PHF24: variants seen among roughly 807,000 people sequenced by gnomAD.
The protein encoded by PHF24 is Galpha inhibitory interacting protein.
A neutral mutation model predicts 42.6 loss-of-function variants in PHF24; 25 were observed. That is an observed-to-expected ratio of 0.59 (90% CI 0.43 to 0.82). The LOEUF is 0.82. Ranked by LOEUF, PHF24 falls within the 40% of genes least tolerant of loss-of-function variation. PHF24 has a pLI of 0.00. For synonymous variants in PHF24, 185 were observed against 204.8 expected (o/e 0.90, Z 0.83); for missense variants, 470 against 538.1 (o/e 0.87, Z 1.25).
At chr9:34,665,749 G>A in the PHF24 span, 18 of 692,758 alleles carry the variant, frequency 2.6e-5, no homozygotes, top group Admixed American at 1.4e-4. Flanking sequence ...TTCTCAGGAC[G>A]AGGCTGCCCA....
At chr9:34,703,538 T>C in the PHF24 span, among the ~76,000 whole-genome samples, 1 of 151,972 alleles carries the variant, frequency 6.6e-6, no homozygotes, top group African/African-American at 2.4e-5. Context: ...ATCACAGCCC[T>C]CTAAAAGGAT....
chr9:34,793,570 C>T, the PHF24 span, among the ~76,000 whole-genome samples: 4 of 152,112 alleles, frequency 2.6e-5, no homozygotes, highest in Non-Finnish European at 5.9e-5. Flanking sequence ...ACCACTGAAC[C>T]AGTGGTGATG....
the PHF24 span, among the ~76,000 whole-genome samples, chr9:34,666,338 A>C: frequency 6.6e-6 from 1 of 151,404 alleles, no homozygotes; most frequent in African/African-American, 2.4e-5. Flanking sequence ...CGTCTCCTCT[A>C]CCCCTCCCTG....
At chr9:34,976,305 T>C in intron 4 of PHF24, 75 bp downstream of exon 4, 2 of 1,290,818 alleles carry the variant, frequency 1.5e-6, no homozygotes, top group Non-Finnish European at 2.2e-6. Context: ...GAATGAACCA[T>C]GAAAGGAGTG....
chr9:34,877,798 C>A, the PHF24 span, among the ~76,000 whole-genome samples: 1 of 152,000 alleles, frequency 6.6e-6, no homozygotes, highest in Admixed American at 6.6e-5. Context: ...CATAGGTATA[C>A]AGGTGCTACA....
chr9:34,800,896 A>T, the PHF24 span, among the ~76,000 whole-genome samples: 1 of 152,208 alleles, frequency 6.6e-6, no homozygotes, highest in Non-Finnish European at 1.5e-5. Context: ...ACAGAATGGG[A>T]GAAAATGTTT....
the PHF24 span, chr9:34,922,223 T>G: frequency 6.3e-7 from 1 of 1,592,134 alleles, no homozygotes; most frequent in Non-Finnish European, 8.6e-7. Flanking sequence ...CTTTGTCTCC[T>G]CGGGTATCCG....
At chr9:34,856,782 A>G in the PHF24 span, among the ~76,000 whole-genome samples, 1 of 152,232 alleles carries the variant, frequency 6.6e-6, no homozygotes, top group Non-Finnish European at 1.5e-5. Flanking sequence ...TGCTTAAAGA[A>G]GCAGTCTGGC....
At chr9:34,755,554 T>C in the PHF24 span, among the ~76,000 whole-genome samples, 1 of 152,150 alleles carries the variant, frequency 6.6e-6, no homozygotes, top group Non-Finnish European at 1.5e-5. Flanking sequence ...TCAGATCATT[T>C]GCTCATTTTT....
chr9:34,831,481 C>A, the PHF24 span, among the ~76,000 whole-genome samples: 2 of 152,110 alleles, frequency 1.3e-5, no homozygotes, highest in Non-Finnish European at 2.9e-5. Context: ...ATTTGTGGTT[C>A]TTTCCCAGAA....
At chr9:34,743,907 G>GGAAGGCA in the PHF24 span, among the ~76,000 whole-genome samples, 1 of 152,142 alleles carries the variant, frequency 6.6e-6, no homozygotes, top group Non-Finnish European at 1.5e-5. Flanking sequence ...GTCCCGTGGT[G>GGAAGGCA]GAAGGCAGAA....
At chr9:34,969,601 AC>A in intron 1 of PHF24, among the ~76,000 whole-genome samples, 1 of 151,008 alleles carries the variant, frequency 6.6e-6, no homozygotes, top group African/African-American at 2.4e-5. Flanking sequence ...AGATCGTGCC[AC>A]TGCACTCCAG....
At chr9:34,693,162 T>G in the PHF24 span, among the ~76,000 whole-genome samples, 31 of 152,298 alleles carry the variant, frequency 2.0e-4, no homozygotes, top group African/African-American at 7.5e-4. Context: ...TTTCCATTGA[T>G]CTATCCATTC....
At chr9:34,747,341 A>G in the PHF24 span, among the ~76,000 whole-genome samples, 1 of 152,138 alleles carries the variant, frequency 6.6e-6, no homozygotes, top group Non-Finnish European at 1.5e-5. Context: ...GCTTGAGCCC[A>G]GGAGCTCAAG....
the PHF24 span, among the ~76,000 whole-genome samples, chr9:34,717,394 G>C: frequency 6.6e-6 from 1 of 152,140 alleles, no homozygotes; most frequent in Non-Finnish European, 1.5e-5. Context: ...CGTGGACTAA[G>C]TGTGTCTACC....
chr9:34,754,861 C>T, the PHF24 span, among the ~76,000 whole-genome samples: 4 of 152,170 alleles, frequency 2.6e-5, no homozygotes, highest in African/African-American at 9.7e-5. Flanking sequence ...CAACAGAGTA[C>T]TAATCACCCA....
At chr9:34,933,443 G>A in the PHF24 span, among the ~76,000 whole-genome samples, 1 of 152,128 alleles carries the variant, frequency 6.6e-6, no homozygotes, top group African/African-American at 2.4e-5. Context: ...ACCTGGAGGA[G>A]GCTGGGCACA....
chr9:34,835,205 C>G, the PHF24 span: 47 of 1,551,732 alleles, frequency 3.0e-5, no homozygotes, highest in Non-Finnish European at 3.3e-5. Flanking sequence ...GATGGGCTGG[C>G]CAGCCACACA....
the PHF24 span, among the ~76,000 whole-genome samples, chr9:34,745,752 GT>G: frequency 1.3e-5 from 2 of 151,148 alleles, no homozygotes; most frequent in Non-Finnish European, 3.0e-5. Context: ...TACTTCTATA[GT>G]TTAAAAAAAC....
Sources: allele counts gnomAD v4.1 joint callset (sites outside exome capture counted in the v4.1 genomes callset), GRCh38; gene constraint gnomAD v4.1.1; transcripts MANE v1.5; gene names NCBI Gene and HGNC (gene_info 2026-07-23, HGNC 2026-07-21).